PXDN: variants seen among roughly 807,000 people sequenced by gnomAD.
PXDN encodes the protein peroxidasin homolog.
A neutral mutation model predicts 140.3 loss-of-function variants in PXDN; 77 were observed. The observed-to-expected ratio is 0.55, with a 90% CI of 0.46 to 0.66. The LOEUF (loss-of-function observed/expected upper bound fraction) is 0.66, where lower values mean the gene tolerates loss of function less well. Among genes scored for constraint, PXDN ranks in the 30% least tolerant of loss-of-function variants. PXDN has a pLI of 0.00. For synonymous variants in PXDN, 911 were observed against 857.4 expected, an observed-to-expected ratio of 1.06 and a Z score of -1.09; for missense variants, 1,838 against 2,039.5, an observed-to-expected ratio of 0.90 and a Z score of 1.90.
At chr2:1,662,833 G>T (rs1032482805) in intron 12 of PXDN, among the ~76,000 whole-genome samples, 1 of 152,150 alleles carries the variant, frequency 6.6e-6, no homozygotes, top group Non-Finnish European at 1.5e-5. Flanking sequence ...ACAGTCTCAG[G>T]ACAGCCCCAA....
At chr2:1,662,219 G>A (rs1351066352) in intron 12 of PXDN, 35 bp from the exon 13 acceptor site, 35 of 1,525,288 alleles carry the variant, frequency 2.3e-5, no homozygotes, top group Non-Finnish European at 2.6e-5. Flanking sequence ...AGGAGAACGA[G>A]TCAATTACAT....
At position 1,732,720 on chromosome 2, in the gene PXDN, C is replaced by T. The variant is rs79601938; in HGVS notation, c.200+11536G>A. Among the ~76,000 whole-genome samples, 485 of 152,258 alleles carry T rather than the reference C, an allele frequency of 3.2e-3. 3 individuals carry two copies. The highest frequency in any genetic ancestry group is 0.011 in the African/African-American group (449 of 41,530). Reference sequence around the variant, plus strand: ...ATCCAGTGCTCACCAAAGTGAAATTCCATTGTCTGGAATCTGCTTAAAAAA... The same window carrying T: ...ATCCAGTGCTCACCAAAGTGAAATTTCATTGTCTGGAATCTGCTTAAAAAA... On this transcript the variant is annotated intron_variant, in intron 1 of 22. Transcript: ENST00000252804.
chr2:1,647,354 G>A (rs558707395), intron 17 of PXDN, among the ~76,000 whole-genome samples: 6 of 152,194 alleles, frequency 3.9e-5, no homozygotes, highest in Non-Finnish European at 8.8e-5. Flanking sequence ...CCCCACTGTG[G>A]CACCGAGTCC....
intron 1 of PXDN, among the ~76,000 whole-genome samples, chr2:1,732,060 T>C (rs781408722): frequency 5.9e-5 from 9 of 152,164 alleles, no homozygotes; most frequent in Non-Finnish European, 1.0e-4. Flanking sequence ...GGCAAGACTT[T>C]CTCTTCTGTC....
In PXDN at chr2:1,651,565, T is replaced by A. The variant is rs1205403574; in HGVS notation, c.2105-1890A>T. Among the ~76,000 whole-genome samples, 1 of 152,160 alleles carries A rather than the reference T, an allele frequency of 6.6e-6. No individual in the cohort carries two copies. The highest frequency in any genetic ancestry group is 1.5e-5 in the Non-Finnish European group (1 of 68,030). ...TGGTGGAGCACAAATCTCCTTAACT[T>A]TATCAGCCCTTCCTCACCCCCTTTC... On this transcript the variant is annotated intron_variant, in intron 16 of 22. Coordinates refer to ENST00000252804, the MANE Select transcript of PXDN (RefSeq NM_012293.3). The surrounding 1 kb of genome is among the most constrained non-coding windows in gnomAD (Gnocchi z 4.4).
intron 2 of PXDN, among the ~76,000 whole-genome samples, chr2:1,692,812 C>A (rs1305021233): frequency 2.6e-5 from 4 of 152,158 alleles, no homozygotes; most frequent in South Asian, 4.1e-4. Context: ...AGGCCAGGGA[C>A]AAGCTTAGCG....
At chr2:1,690,844 A>G (rs140718303) in intron 3 of PXDN, among the ~76,000 whole-genome samples, 1 of 152,210 alleles carries the variant, frequency 6.6e-6, no homozygotes, top group African/African-American at 2.4e-5. Flanking sequence ...TATTTTAATA[A>G]ACAGAGTTAA....
chr2:1,741,991 G>A (rs895088415), intron 1 of PXDN, among the ~76,000 whole-genome samples: 2 of 152,110 alleles, frequency 1.3e-5, no homozygotes, highest in Admixed American at 6.5e-5. Flanking sequence ...TCCCCAGGCT[G>A]CACTCACTAG....
In PXDN at chr2:1,643,371, C is replaced by G. The variant is rs367602205; in HGVS notation, c.3949G>C (p.Glu1317Gln). ...ACATGGTGCCCCTGGCACGCACCTT[C>G]ACAGCAGTCCTGCCACACCCGGAGG... ...VDLRVWQDCC[E>Q]DCRTRGQFNA... The change falls in exon 19 of 23, where the codon GAA (glutamate) becomes CAA (glutamine). Residue 1317 changes from glutamate (E) to glutamine (Q), a missense_variant. This residue lies in a region of PXDN where 850 missense variants were observed against 894.1 expected (regional missense o/e 0.95). Transcript: ENST00000252804. 7 of 1,613,344 alleles carry G rather than the reference C, an allele frequency of 4.3e-6. No individual in the cohort carries two copies. Among genetic ancestry groups the G allele is most frequent in the Non-Finnish European group, 5.9e-6 (7 of 1,179,676 alleles).
Position 1,648,395 on chromosome 2 carries a change from G to C in PXDN, c.3385C>G (p.Arg1129Gly). Residue 1129 changes from arginine (R) to glycine (G), a missense_variant, in exon 17 of 23, where the codon CGT becomes GGT. Arg to Gly is a moderately radical substitution (Grantham distance 125). Transcript: ENST00000252804. This position sits in a 1 kb window ranked among gnomAD's most constrained non-coding sequence, Gnocchi z 8.9. ...RGLFGVAGKM[R>G]VPSQLLNTEL... ...GTGTTCAGCAGCTGCGAGGGCACAC[G>C]CATTTTCCCCGCCACCCCGAACAGC... is the stretch of plus-strand genomic sequence containing the variant. 1 of 1,612,458 alleles carries C rather than the reference G, an allele frequency of 6.2e-7. No individual in the cohort carries two copies. Among genetic ancestry groups the C allele is most frequent in the Admixed American group, 1.7e-5 (1 of 60,022 alleles).
intron 1 of PXDN, among the ~76,000 whole-genome samples, chr2:1,724,339 A>T: frequency 6.9e-6 from 1 of 145,892 alleles, no homozygotes; most frequent in Non-Finnish European, 1.5e-5. Flanking sequence ...GTCAGAAAGC[A>T]ATATTTAATA....
chr2:1,643,698 G>T, intron 18 of PXDN, 122 bp from the exon 19 acceptor site: 1 of 996,250 alleles, frequency 1.0e-6, no homozygotes, highest in Non-Finnish European at 1.5e-6. Flanking sequence ...GGTTTGATTA[G>T]GTGTCACTTA....
At chr2:1,702,715 G>A (rs1355271095) in intron 1 of PXDN, among the ~76,000 whole-genome samples, 7 of 151,440 alleles carry the variant, frequency 4.6e-5, no homozygotes, top group African/African-American at 7.3e-5. Context: ...TGCAACCTCC[G>A]TCTCCCAGGT....
chr2:1,676,921 A>G lies in PXDN; in HGVS notation c.848+6T>C, dbSNP rs775269573. Reference sequence around the variant, plus strand: ...ACAGGGGCATTTCTGTTTGGCCCCAACTCACTTGTTTCGCAGCCAGATGAT... The same window carrying G: ...ACAGGGGCATTTCTGTTTGGCCCCAGCTCACTTGTTTCGCAGCCAGATGAT... On this transcript the variant is annotated splice_donor_region_variant and intron_variant, in intron 8 of 22. Coordinates refer to ENST00000252804, the MANE Select transcript of PXDN (RefSeq NM_012293.3). 6.2e-7 allele frequency: 1 copy of G among 1,607,692 alleles called. No individual in the cohort carries two copies. Among genetic ancestry groups the G allele is most frequent in the Non-Finnish European group, 8.5e-7 (1 of 1,177,282 alleles).
Position 1,691,947 on chromosome 2 carries a change from A to G in PXDN, c.325T>C (p.Leu109=), listed in dbSNP as rs2125450118. Residue 109 remains leucine, a synonymous_variant, in exon 3 of 23, where the codon TTG becomes CTG. Coordinates refer to ENST00000252804, the MANE Select transcript of PXDN (RefSeq NM_012293.3). ...KRIPSGAFED[L]ENLKYLYLYK... The stretch of plus-strand genomic sequence containing the variant: ...ACTTACAGATATTTTAAATTTTCCA[A>G]GTCTTCAAATGCTCCACTAGGTATC... The G allele has an allele frequency of 1.3e-6, 2 of 1,514,722 alleles. No homozygotes were observed. The highest frequency in any genetic ancestry group is 8.9e-7 in the Non-Finnish European group (1 of 1,122,182). The allele number at this position is 1,514,722 out of a possible 1,614,324, so 93.8% of individuals were successfully genotyped here. A position where few individuals can be genotyped will look rare whatever the true frequency, so the allele number is the denominator to read the frequency against.
At chr2:1,635,061 A>C (rs1682513488) in intron 22 of PXDN, among the ~76,000 whole-genome samples, 2 of 152,310 alleles carry the variant, frequency 1.3e-5, no homozygotes, top group Admixed American at 6.5e-5. Context: ...GGAGGAGCTG[A>C]TCTACCCCAT....
intron 1 of PXDN, among the ~76,000 whole-genome samples, chr2:1,705,793 C>G (rs1469391356): frequency 6.8e-6 from 1 of 147,016 alleles, no homozygotes; most frequent in Non-Finnish European, 1.5e-5. Context: ...CAGCTCCCCA[C>G]GACCTGGGAT....
Position 1,639,240 on chromosome 2 carries a change from T to A in PXDN, c.4073+62A>T. 1 of 1,562,872 alleles carries A rather than the reference T, an allele frequency of 6.4e-7. No individual in the cohort carries two copies. The highest frequency in any genetic ancestry group is 8.7e-7 in the Non-Finnish European group (1 of 1,153,238). On this transcript the variant is annotated intron_variant, in intron 20 of 22. Coordinates refer to ENST00000252804, the MANE Select transcript of PXDN (RefSeq NM_012293.3). This position sits in a 1 kb window ranked among gnomAD's most constrained non-coding sequence, Gnocchi z 5.0. ...GCCCACAGCAGGATGCCGGTCCTACTGCCCGACGCCCGCGGTGCGAGGGCC... is the reference window on the plus strand; with the variant it reads ...GCCCACAGCAGGATGCCGGTCCTACAGCCCGACGCCCGCGGTGCGAGGGCC...
intron 1 of PXDN, among the ~76,000 whole-genome samples, chr2:1,741,139 C>A (rs1315275241): frequency 2.6e-5 from 4 of 152,098 alleles, no homozygotes; most frequent in African/African-American, 4.8e-5. Flanking sequence ...TCCAGTGTGT[C>A]CAGCCAGCAC....
Sources: gnomAD v4.1 joint callset for allele counts (sites outside exome capture counted in the v4.1 genomes callset) on GRCh38, gnomAD v4.1.1 for gene constraint, gnomAD v4.1.1 regional missense constraint, Gnocchi (gnomAD v3.1) non-coding constraint, MANE v1.5 for transcripts, NCBI Gene and HGNC (gene_info 2026-07-23, HGNC 2026-07-21) for gene names.